KLRG1: variants seen among roughly 807,000 people sequenced by gnomAD.
KLRG1 encodes killer cell lectin like receptor G1, also known as killer cell lectin-like receptor subfamily G member 1.
Under a neutral mutation model 21.8 loss-of-function variants are expected in KLRG1, and 16 were observed. The ratio of observed to expected loss-of-function variants is 0.73; its 90% CI spans 0.50 to 1.11. The LOEUF (loss-of-function observed/expected upper bound fraction) is 1.11, where lower values mean the gene tolerates loss of function less well. KLRG1 is among the 50% of genes most tolerant of loss of function. The pLI, the probability that KLRG1 is intolerant of heterozygous loss-of-function variation, is 0.00. For synonymous variants in KLRG1, 69 were observed against 75.9 expected (o/e 0.91, Z 0.47); for missense variants, 173 against 218.3 (o/e 0.79, Z 1.31).
At chr12:9,011,572 A>G (rs751687460), downstream of KLRG1, among the ~76,000 whole-genome samples, 31 of 152,336 alleles carry the variant, frequency 2.0e-4, no homozygotes, top group African/African-American at 6.7e-4. Context: ...AGGTGGAGCA[A>G]GAACAAGAAG....
At chr12:9,152,291 C>A in the KLRG1 span, 1 of 1,613,382 alleles carries the variant, frequency 6.2e-7, no homozygotes, top group East Asian at 2.2e-5. Context: ...ATATTGGAAG[C>A]AGGACGGTTT....
chr12:9,084,030 T>C, the KLRG1 span, among the ~76,000 whole-genome samples: 1 of 152,196 alleles, frequency 6.6e-6, no homozygotes, highest in South Asian at 2.1e-4. Flanking sequence ...AATAATATAT[T>C]CAAAGTACTG....
the KLRG1 span, among the ~76,000 whole-genome samples, chr12:9,205,667 A>G: frequency 6.6e-6 from 1 of 152,212 alleles, no homozygotes; most frequent in Non-Finnish European, 1.5e-5. Context: ...GGCCATTTAT[A>G]GAGTAAATTT....
the KLRG1 span, among the ~76,000 whole-genome samples, chr12:9,146,481 C>A: frequency 6.6e-6 from 1 of 152,120 alleles, no homozygotes; most frequent in African/African-American, 2.4e-5. Flanking sequence ...TAAAGTAAAT[C>A]ACATAATTCC....
the KLRG1 span, chr12:9,074,750 G>A: frequency 6.2e-7 from 1 of 1,613,474 alleles, no homozygotes; most frequent in Non-Finnish European, 8.5e-7. Context: ...TGGTGCCTTG[G>A]GTTTCTGAGG....
the KLRG1 span, chr12:9,157,216 C>T: frequency 2.5e-6 from 4 of 1,614,118 alleles, no homozygotes; most frequent in South Asian, 3.3e-5. Context: ...CAGTATTTCT[C>T]TATTCTGATT....
chr12:9,138,467 T>A, the KLRG1 span, among the ~76,000 whole-genome samples: 1 of 152,070 alleles, frequency 6.6e-6, no homozygotes, highest in African/African-American at 2.4e-5. Context: ...CTGTCATTTT[T>A]TTTTTCTTGT....
At chr12:8,984,874 T>A (rs1946817349), upstream of KLRG1, among the ~76,000 whole-genome samples, 1 of 152,232 alleles carries the variant, frequency 6.6e-6, no homozygotes, top group South Asian at 2.1e-4. Flanking sequence ...ATCTGTGTTA[T>A]GTATCCTCTT....
At chr12:9,204,914 G>A in the KLRG1 span, among the ~76,000 whole-genome samples, 1 of 151,948 alleles carries the variant, frequency 6.6e-6, no homozygotes, top group African/African-American at 2.4e-5. Flanking sequence ...GCACAACATT[G>A]TGAGGTCCCC....
chr12:9,166,167 G>T, the KLRG1 span: 1 of 1,613,480 alleles, frequency 6.2e-7, no homozygotes, highest in Non-Finnish European at 8.5e-7. Context: ...GTGCCTAATT[G>T]AGGAACATAT....
At chr12:9,141,489 A>G in the KLRG1 span, among the ~76,000 whole-genome samples, 36 of 152,316 alleles carry the variant, frequency 2.4e-4, no homozygotes, top group South Asian at 7.5e-3. Flanking sequence ...AGAGAAACCA[A>G]ACCCACTGTG....
the KLRG1 span, chr12:9,157,247 A>G: frequency 5.0e-6 from 8 of 1,613,994 alleles, no homozygotes; most frequent in Admixed American, 3.3e-5. Flanking sequence ...AGTAGGGAAA[A>G]AGCATAGGCC....
intron 1 of KLRG1, among the ~76,000 whole-genome samples, chr12:8,952,487 C>T (rs747120672): frequency 1.2e-4 from 19 of 152,274 alleles, no homozygotes; most frequent in Admixed American, 1.1e-3. Context: ...CCACTGAGCC[C>T]GGCTCAGATG....
chr12:9,159,908 T>C, the KLRG1 span: 2 of 1,564,316 alleles, frequency 1.3e-6, no homozygotes, highest in Non-Finnish European at 1.8e-6. Context: ...GAACTCATAG[T>C]TGAAACTCAG....
the KLRG1 span, chr12:9,101,649 C>T: frequency 6.2e-7 from 1 of 1,613,822 alleles, no homozygotes; most frequent in Non-Finnish European, 8.5e-7. Context: ...GTAGCCGTAA[C>T]AGGGACTACG....
chr12:9,186,030 T>C, the KLRG1 span, among the ~76,000 whole-genome samples: 1 of 151,878 alleles, frequency 6.6e-6, no homozygotes, highest in Non-Finnish European at 1.5e-5. Flanking sequence ...ATGGTCTCGA[T>C]CTCCTGACTT....
At chr12:9,056,458 A>G in the KLRG1 span, among the ~76,000 whole-genome samples, 1 of 152,156 alleles carries the variant, frequency 6.6e-6, no homozygotes, top group Non-Finnish European at 1.5e-5. Flanking sequence ...TTTTTCTTGC[A>G]TGATATTTCT....
At chr12:9,006,865 G>T (rs190786799) in intron 3 of KLRG1, among the ~76,000 whole-genome samples, 1 of 152,274 alleles carries the variant, frequency 6.6e-6, no homozygotes, top group East Asian at 1.9e-4. Flanking sequence ...GAGCTAGGAG[G>T]CTCCAGAATT....
At chr12:9,203,931 G>C in the KLRG1 span, 1 of 1,613,676 alleles carries the variant, frequency 6.2e-7, no homozygotes, top group Non-Finnish European at 8.5e-7. Flanking sequence ...GAGCAGGGAG[G>C]GGACCAGCAC....
Sources: gnomAD v4.1 joint callset for allele counts (sites outside exome capture counted in the v4.1 genomes callset) on GRCh38, gnomAD v4.1.1 for gene constraint, MANE v1.5 for transcripts, NCBI Gene and HGNC (gene_info 2026-07-23, HGNC 2026-07-21) for gene names.